The following NRP1 variants were observed in gnomAD, a reference collection of about 807,000 sequenced individuals.
The protein encoded by NRP1 is neuropilin 1.
NRP1 carries 35 observed loss-of-function variants against 106.7 expected under a neutral mutation model. The ratio of observed to expected loss-of-function variants is 0.33; its 90% CI spans 0.25 to 0.43. The LOEUF is 0.43. Among genes scored for constraint, NRP1 ranks in the 20% least tolerant of loss-of-function variants. NRP1 has a pLI of 1.00. For synonymous variants in NRP1, 437 were observed against 417.9 expected (o/e 1.05, Z -0.56); for missense variants, 1,024 against 1,170.4 (o/e 0.87, Z 1.83).
chr10:33,275,688 A>G (rs1171031750), intron 2 of NRP1, among the ~76,000 whole-genome samples: 1 of 151,834 alleles, frequency 6.6e-6, no homozygotes, highest in African/African-American at 2.4e-5. Flanking sequence ...GCCTGAGGCC[A>G]GGAGTTTGAG....
intron 2 of NRP1, among the ~76,000 whole-genome samples, chr10:33,297,968 T>A (rs927785378): frequency 6.6e-6 from 1 of 152,134 alleles, no homozygotes; most frequent in Admixed American, 6.6e-5. Flanking sequence ...TAGTGCCACA[T>A]TTTCCTGTTG....
intron 6 of NRP1, among the ~76,000 whole-genome samples, chr10:33,238,210 C>G (rs1255588080): frequency 6.6e-6 from 1 of 152,232 alleles, no homozygotes; most frequent in Non-Finnish European, 1.5e-5. Context: ...AGTCTAGCAG[C>G]ACACGCTGCA....
chr10:33,275,102 G>T (rs1400990978), intron 2 of NRP1, among the ~76,000 whole-genome samples: 1 of 152,150 alleles, frequency 6.6e-6, no homozygotes, highest in Non-Finnish European at 1.5e-5. Flanking sequence ...CTGCATCTAT[G>T]TTTCTGAGTG....
At chr10:33,305,207 T>A (rs1019337534) in intron 2 of NRP1, among the ~76,000 whole-genome samples, 2 of 152,376 alleles carry the variant, frequency 1.3e-5, no homozygotes, top group African/African-American at 2.4e-5. Context: ...CAAACATATA[T>A]AATCTACAAA....
At chr10:33,197,983 A>G (rs940193556) in intron 11 of NRP1, among the ~76,000 whole-genome samples, 39 of 151,740 alleles carry the variant, frequency 2.6e-4, no homozygotes, top group African/African-American at 9.4e-4. Flanking sequence ...GTATATATTT[A>G]TGGCATACAA....
chr10:33,251,720 A>C (rs1841871921), intron 6 of NRP1, among the ~76,000 whole-genome samples: 1 of 152,142 alleles, frequency 6.6e-6, no homozygotes, highest in Non-Finnish European at 1.5e-5. Context: ...TAGTGTTTTT[A>C]CTGACAAGAG....
rs775930939 is a variant in NRP1, at chr10:33,186,457, G to A, written c.2094C>T (p.Asp698=). The A allele has an allele frequency of 1.4e-5, 22 of 1,613,640 alleles. No individual in the cohort carries two copies. Among genetic ancestry groups the A allele is most frequent in the East Asian group, 6.7e-5 (3 of 44,886 alleles). ...GDGNFIYSQA[D]ENQKGKVARL... ...GAGCCACTTTGCCCTTCTGATTTTC[G>A]TCAGCTTGGGAATAGATGAAGTTGC... Residue 698 remains aspartate (D), a synonymous_variant, in exon 14 of 17, where the codon GAC becomes GAT. Coordinates refer to ENST00000374867, the MANE Select transcript of NRP1 (RefSeq NM_003873.7).
intron 6 of NRP1, among the ~76,000 whole-genome samples, chr10:33,252,995 G>GTTTTTTTTTTTTT (rs1564425251): frequency 7.5e-6 from 1 of 133,830 alleles, no homozygotes; most frequent in Admixed American, 7.0e-5. Context: ...ATCATCTTGT[G>GTTTTTTTTTTTTT]GTTTTTTTTT....
Position 33,293,052 on chromosome 10 carries a change from C to A in NRP1, c.249-22196G>T, listed in dbSNP as rs115078232. Among the ~76,000 whole-genome samples the A allele has an allele frequency of 6.8e-3, 1,037 of 151,704 alleles. 11 individuals are homozygous for A. The highest frequency in any genetic ancestry group is 0.024 in the African/African-American group (980 of 41,382). On this transcript the variant is annotated intron_variant, in intron 2 of 16. Coordinates refer to ENST00000374867, the MANE Select transcript of NRP1 (RefSeq NM_003873.7). ...TCCCTATGACCTCATTTCTGTAGTC[C>A]ATAACCCCTACCTTCAAGAAAATTT...
At chr10:33,308,185 G>T (rs907838208) in intron 2 of NRP1, among the ~76,000 whole-genome samples, 3 of 151,988 alleles carry the variant, frequency 2.0e-5, no homozygotes, top group Admixed American at 1.3e-4. Context: ...TGGGCGCAAA[G>T]AACAACAGAT....
At chr10:33,226,351 CT>C in intron 6 of NRP1, 62 bp from the exon 7 acceptor site, 1 of 1,575,728 alleles carries the variant, frequency 6.3e-7, no homozygotes, top group Non-Finnish European at 8.6e-7. Context: ...CCCAAAGCAT[CT>C]TTTCCTGTGG....
At chr10:33,241,233 C>T (rs559041794) in intron 6 of NRP1, among the ~76,000 whole-genome samples, 79 of 152,260 alleles carry the variant, frequency 5.2e-4, no homozygotes, top group African/African-American at 1.9e-3. Context: ...CTGTGCTCCT[C>T]TTGGGAGAAA....
chr10:33,259,703 C>T (rs982879437), intron 4 of NRP1, among the ~76,000 whole-genome samples: 2 of 152,168 alleles, frequency 1.3e-5, no homozygotes, highest in Non-Finnish European at 2.9e-5. Flanking sequence ...GATATGCCTA[C>T]AACGGGCAAT....
intron 4 of NRP1, among the ~76,000 whole-genome samples, chr10:33,261,108 C>T (rs922884578): frequency 1.3e-5 from 2 of 151,220 alleles, no homozygotes; most frequent in African/African-American, 4.9e-5. Context: ...TATACAAACA[C>T]ATCTTCATAT....
chr10:33,213,735 A>G lies in NRP1; in HGVS notation c.1283-18T>C, dbSNP rs1399739012. 6.5e-7 allele frequency: 1 copy of G among 1,538,036 alleles called. No homozygotes were observed. Among genetic ancestry groups the G allele is most frequent in the Non-Finnish European group, 8.8e-7 (1 of 1,135,466 alleles). On this transcript the variant is annotated intron_variant, in intron 8 of 16. Coordinates refer to ENST00000374867, the MANE Select transcript of NRP1 (RefSeq NM_003873.7). ...AGGATAATCTGGGAAGTGAAATGAA[A>G]CAGATAATGTAAAATGATTTCCTGG...
intron 2 of NRP1, among the ~76,000 whole-genome samples, chr10:33,329,449 A>T (rs1359427062): frequency 1.3e-5 from 2 of 152,208 alleles, no homozygotes; most frequent in East Asian, 3.9e-4. Flanking sequence ...GTTGTCGAGC[A>T]CTTCCTACAG....
intron 8 of NRP1, among the ~76,000 whole-genome samples, chr10:33,221,258 T>A (rs1009092838): frequency 2.6e-5 from 4 of 152,168 alleles, no homozygotes; most frequent in Non-Finnish European, 4.4e-5. Context: ...GAATCTTTCA[T>A]GCAACAGTTA....
chr10:33,228,673 A>C (rs1839872168), intron 6 of NRP1, among the ~76,000 whole-genome samples: 1 of 152,194 alleles, frequency 6.6e-6, no homozygotes, highest in Non-Finnish European at 1.5e-5. Context: ...AGCCAATTTG[A>C]AGTTACAGAA....
chr10:33,320,350 C>T (rs1326615605), intron 2 of NRP1, among the ~76,000 whole-genome samples: 2 of 151,506 alleles, frequency 1.3e-5, no homozygotes, highest in Non-Finnish European at 2.9e-5. Flanking sequence ...GACCCAGTCT[C>T]TCTCCAGACA....
Sources: allele counts gnomAD v4.1 joint callset (sites outside exome capture counted in the v4.1 genomes callset), GRCh38; gene constraint gnomAD v4.1.1; transcripts MANE v1.5; gene names NCBI Gene and HGNC (gene_info 2026-07-23, HGNC 2026-07-21).